The following LIMS2 variants were observed in gnomAD, a reference collection of about 807,000 sequenced individuals.
LIMS2 encodes LIM and senescent cell antigen-like-containing domain protein 2.
A neutral mutation model predicts 45.3 loss-of-function variants in LIMS2; 30 were observed. The ratio of observed to expected loss-of-function variants is 0.66; its 90% CI spans 0.50 to 0.90. LIMS2 has a LOEUF of 0.90. Ranked by LOEUF, LIMS2 falls within the 40% of genes least tolerant of loss-of-function variation. The pLI, the probability that LIMS2 is intolerant of heterozygous loss-of-function variation, is 0.00. For synonymous variants in LIMS2, 173 were observed against 188.0 expected, an observed-to-expected ratio of 0.92 and a Z score of 0.65; for missense variants, 485 against 468.7, an observed-to-expected ratio of 1.03 and a Z score of -0.32.
chr2:127,662,481 C>CGG (rs1319004437), intron 1 of LIMS2, among the ~76,000 whole-genome samples: 3 of 151,956 alleles, frequency 2.0e-5, no homozygotes, highest in Non-Finnish European at 1.5e-5. Context: ...CACCTGGCCA[C>CGG]ATGAGGTCAA....
Position 127,642,016 on chromosome 2 carries a change from A to G in LIMS2, c.660+33T>C, listed in dbSNP as rs747947248. The G allele has an allele frequency of 3.1e-6, 5 of 1,604,410 alleles. No individual in the cohort carries two copies. In the Admixed American group the frequency reaches 6.8e-5, roughly 22 times the overall value. The stretch of plus-strand genomic sequence containing the variant: ...TGACCCTGAGCTGGGGCACCCCCCA[A>G]CCTGAGGCCACGTGTCCACCAGCCT... On this transcript the variant is annotated intron_variant, in intron 6 of 9. Coordinates refer to ENST00000355119, the MANE Select transcript of LIMS2 (RefSeq NM_001161403.3). This position sits in a 1 kb window ranked among gnomAD's most constrained non-coding sequence, Gnocchi z 5.3.
upstream of LIMS2, among the ~76,000 whole-genome samples, chr2:127,676,448 A>C (rs891509240): frequency 1.1e-4 from 10 of 88,946 alleles, no homozygotes; most frequent in African/African-American, 3.9e-4. Context: ...TTTCGCTCTT[A>C]TTGCCCAGGC....
At chr2:127,669,202 A>G (rs1351526525) in intron 1 of LIMS2, among the ~76,000 whole-genome samples, 1 of 152,246 alleles carries the variant, frequency 6.6e-6, no homozygotes, top group Non-Finnish European at 1.5e-5. Context: ...ATGCTAGGAC[A>G]ACTGGATAGC....
intron 4 of LIMS2, chr2:127,650,851 T>C: frequency 1.2e-6 from 2 of 1,614,164 alleles, no homozygotes; most frequent in Non-Finnish European, 1.7e-6. Flanking sequence ...TCCTTCTACC[T>C]TCTGGATTTT....
intron 1 of LIMS2, among the ~76,000 whole-genome samples, chr2:127,659,647 A>T (rs1035606029): frequency 6.6e-6 from 1 of 152,236 alleles, no homozygotes; most frequent in Non-Finnish European, 1.5e-5. Context: ...TCGGAAATCA[A>T]CAGGAAATCC....
chr2:127,643,967 G>A (rs1170734505), intron 4 of LIMS2: 2 of 443,668 alleles, frequency 4.5e-6, no homozygotes, highest in Non-Finnish European at 9.1e-6. Flanking sequence ...GGAGGATACG[G>A]AAGAGATCCA....
In LIMS2 at chr2:127,651,940, G is replaced by C. The variant is rs756296121; in HGVS notation, c.359+2484C>G. On this transcript the variant is annotated intron_variant, in intron 4 of 9. Coordinates refer to ENST00000355119, the MANE Select transcript of LIMS2 (RefSeq NM_001161403.3). Reference sequence around the variant, plus strand: ...GAAGAACTGACAAAGGGGATCCATCGGCCACCCCTCTGCAGGGGCTTGTGA... The same window carrying C: ...GAAGAACTGACAAAGGGGATCCATCCGCCACCCCTCTGCAGGGGCTTGTGA... The C allele has an allele frequency of 5.0e-5, 32 of 635,684 alleles. No homozygotes were observed. In the East Asian group the frequency reaches 8.5e-4, roughly 17 times the overall value. The allele number at this position is 635,684 out of a possible 1,614,324, so 39.4% of individuals were successfully genotyped here.
chr2:127,657,288 TG>T, intron 2 of LIMS2, 114 bp downstream of exon 2: 1 of 1,240,722 alleles, frequency 8.1e-7, no homozygotes, highest in Non-Finnish European at 1.2e-6. Context: ...GGTTCTGGGC[TG>T]GCTCCAGACC....
chr2:127,654,847 G>T lies in LIMS2; in HGVS notation c.221C>A (p.Pro74Gln). The T allele has an allele frequency of 6.2e-7, 1 of 1,614,162 alleles. No individual in the cohort carries two copies. The highest frequency in any genetic ancestry group is 8.5e-7 in the Non-Finnish European group (1 of 1,180,034). ...CEHDFQMLFA[P>Q]CCGSCGEFII... ...GGCCTTACCGCAGGATCCACAGCAC[G>T]GAGCAAACAGCATTTGGAAGTCGTG... Residue 74 changes from proline (P) to glutamine (Q), a missense_variant, in exon 3 of 10, where the codon CCG becomes CAG. Pro to Gln is a moderately conservative substitution (Grantham distance 76). Coordinates refer to ENST00000355119, the MANE Select transcript of LIMS2 (RefSeq NM_001161403.3).
intron 1 of LIMS2, 139 bp downstream of exon 1, chr2:127,674,875 C>A: frequency 8.2e-7 from 1 of 1,212,814 alleles, no homozygotes; most frequent in Non-Finnish European, 1.0e-6. Context: ...GCTGCCGCCC[C>A]GGCAGCTGCG....
At position 127,654,488 on chromosome 2, in the gene LIMS2, AG is replaced by A. The variant is rs1238454905; in HGVS notation, c.294del (p.Cys99AlafsTer17). 6.2e-7 allele frequency: 1 copy of A among 1,614,140 alleles called. No individual in the cohort carries two copies. On this transcript the variant is annotated frameshift_variant, in exon 4 of 10. Transcript: ENST00000355119. LOFTEE classifies it high-confidence loss of function. ...ACATCACACAGCTCGCAGCGGAAGCAGCCCGGGTGCCAGTTGTTGTTCATGG... is the reference window on the plus strand; with the variant it reads ...ACATCACACAGCTCGCAGCGGAAGCACCCGGGTGCCAGTTGTTGTTCATGG... ...IKAMNNNWHPGCFRCELCDVE... is the reference protein window; with the variant it reads ...IKAMNNNWHPXCFRCELCDVE...
At chr2:127,661,368 T>A (rs1431771496) in intron 1 of LIMS2, among the ~76,000 whole-genome samples, 3 of 152,190 alleles carry the variant, frequency 2.0e-5, no homozygotes, top group Non-Finnish European at 2.9e-5. Context: ...AAGCGCTGGA[T>A]AAGGAGAACT....
At chr2:127,654,695 G>A in intron 3 of LIMS2, 135 bp downstream of exon 3, 1 of 1,472,000 alleles carries the variant, frequency 6.8e-7, no homozygotes, top group Non-Finnish European at 9.4e-7. Flanking sequence ...GGGCCTGACG[G>A]CTGCCGCTCA....
rs770651937 is a variant in LIMS2, at chr2:127,651,268, C to T, written c.359+3156G>A. 32 of 1,606,198 alleles carry T rather than the reference C, an allele frequency of 2.0e-5. No homozygotes were observed. Among genetic ancestry groups the T allele is most frequent in the South Asian group, 5.5e-5 (5 of 90,954 alleles). On this transcript the variant is annotated intron_variant, in intron 4 of 9. Transcript: ENST00000355119. ...CCACAGACCGTGCAGACCAACCACA[C>T]GGTGGTCTGCCTGCAGCTGTACCGG...
At position 127,647,252 on chromosome 2, in the gene LIMS2, G is replaced by A. The variant is rs548699470; in HGVS notation, c.360-4180C>T. On this transcript the variant is annotated intron_variant, in intron 4 of 9. Coordinates refer to ENST00000355119, the MANE Select transcript of LIMS2 (RefSeq NM_001161403.3). This position sits in a 1 kb window ranked among gnomAD's most constrained non-coding sequence, Gnocchi z 4.3. Reference sequence around the variant, plus strand: ...AGGGAGTGGCCCCAGGGCCAGGAGGGGGTGCTGAGCCTGGGAGACAACTCC... The same window carrying A: ...AGGGAGTGGCCCCAGGGCCAGGAGGAGGTGCTGAGCCTGGGAGACAACTCC... Among the ~76,000 whole-genome samples the A allele has an allele frequency of 3.9e-5, 6 of 152,254 alleles. No homozygotes were observed. The highest frequency in any genetic ancestry group is 4.1e-4 in the South Asian group (2 of 4,828).
chr2:127,663,131 C>G (rs559478639), intron 1 of LIMS2, among the ~76,000 whole-genome samples: 1 of 152,334 alleles, frequency 6.6e-6, no homozygotes, highest in Non-Finnish European at 1.5e-5. Context: ...GGTATCAGTA[C>G]TGTGAAAATC....
upstream of LIMS2, among the ~76,000 whole-genome samples, chr2:127,680,340 C>A (rs974174407): frequency 2.6e-5 from 4 of 152,252 alleles, no homozygotes; most frequent in African/African-American, 9.6e-5. Flanking sequence ...GTGGGCCTAG[C>A]TCTTCATGAG....
At chr2:127,659,617 C>A (rs1434147373) in intron 1 of LIMS2, among the ~76,000 whole-genome samples, 2 of 152,336 alleles carry the variant, frequency 1.3e-5, no homozygotes, top group African/African-American at 2.4e-5. Context: ...ATGAGCGAGA[C>A]CTTGGGAGTC....
intron 4 of LIMS2, among the ~76,000 whole-genome samples, chr2:127,644,598 T>C (rs1682768670): frequency 6.6e-6 from 1 of 152,194 alleles, no homozygotes; most frequent in Non-Finnish European, 1.5e-5. Flanking sequence ...CACATTCTGG[T>C]GACTCCTCCT....
Sources: gnomAD v4.1 joint callset for allele counts (sites outside exome capture counted in the v4.1 genomes callset) on GRCh38, gnomAD v4.1.1 for gene constraint, Gnocchi (gnomAD v3.1) non-coding constraint, MANE v1.5 for transcripts, NCBI Gene and HGNC (gene_info 2026-07-23, HGNC 2026-07-21) for gene names.